UBOX5: variants seen among roughly 807,000 people sequenced by gnomAD.
The protein encoded by UBOX5 is U-box domain containing 5.
UBOX5 carries 28 observed loss-of-function variants against 39.0 expected under a neutral mutation model. That is an observed-to-expected ratio of 0.72 (90% CI 0.53 to 0.98). The LOEUF (loss-of-function observed/expected upper bound fraction) is 0.98, where lower values mean the gene tolerates loss of function less well. Ranked by LOEUF, UBOX5 falls within the 50% of genes least tolerant of loss-of-function variation. The pLI is 0.00. For missense variants in UBOX5, 585 were observed against 674.4 expected, an observed-to-expected ratio of 0.87 and a Z score of 1.47; for synonymous variants, 283 against 275.5, an observed-to-expected ratio of 1.03 and a Z score of -0.27.
At chr20:3,145,255 T>C (rs2066550393) in intron 1 of UBOX5, among the ~76,000 whole-genome samples, 1 of 151,610 alleles carries the variant, frequency 6.6e-6, no homozygotes, top group African/African-American at 2.4e-5. Context: ...TAAACTACGG[T>C]GATCCTCCCA....
intron 1 of UBOX5, among the ~76,000 whole-genome samples, chr20:3,151,350 G>A (rs1410802671): frequency 6.6e-6 from 1 of 152,174 alleles, no homozygotes; most frequent in Non-Finnish European, 1.5e-5. Context: ...ATTATATATT[G>A]TCTATGTCTG....
chr20:3,146,994 G>C (rs1180936488), intron 1 of UBOX5: 31 of 1,614,010 alleles, frequency 1.9e-5, no homozygotes, highest in Non-Finnish European at 2.5e-5. Context: ...TTCATTCTTG[G>C]GGTCTGCATG....
At chr20:3,145,009 TCA>T (rs1292111884) in intron 1 of UBOX5, among the ~76,000 whole-genome samples, 2 of 152,068 alleles carry the variant, frequency 1.3e-5, no homozygotes, top group African/African-American at 2.4e-5. Flanking sequence ...AATATTAAGT[TCA>T]CCAATTCTGA....
chr20:3,144,943 G>C (rs1016429746), intron 1 of UBOX5, among the ~76,000 whole-genome samples: 9 of 152,134 alleles, frequency 5.9e-5, no homozygotes, highest in African/African-American at 1.9e-4. Context: ...AAAATATGAG[G>C]GTAGGGGGAG....
chr20:3,156,990 G>A (rs2066692415), intron 1 of UBOX5, among the ~76,000 whole-genome samples: 1 of 152,166 alleles, frequency 6.6e-6, no homozygotes, highest in Admixed American at 6.5e-5. Context: ...TGGCTAGACA[G>A]GTGGCTCATG....
rs1234498434 is a variant in UBOX5 at position 3,121,912 on chromosome 20, G to T, written c.727C>A (p.Gln243Lys). 1.2e-6 allele frequency: 2 copies of T among 1,613,906 alleles called. No individual in the cohort carries two copies. The highest frequency in any genetic ancestry group is 2.2e-5 in the East Asian group (1 of 44,870). The change falls in exon 3 of 5, where the codon CAG becomes AAG. Residue 243 changes from glutamine to lysine, a missense_variant. Physicochemically the swap from Gln to Lys is moderately conservative, Grantham distance 53 (BLOSUM62 1). Coordinates refer to ENST00000217173, the MANE Select transcript of UBOX5 (RefSeq NM_014948.4). ...TTCTGCAGGCTGGAGGGAGCCTGCT[G>T]GCTCTCAGGCTGGTCCCCAGGGTCA... The part of the protein sequence containing the change: ...DCDPGDQPES[Q>K]QAPSSLQKLA...
At position 3,122,567 on chromosome 20, in the gene UBOX5, G is replaced by A. The variant is rs780848822; in HGVS notation, c.72C>T (p.Tyr24=). The part of the protein sequence containing the change: ...IHCNKISADG[Y]EVENLISEDL... ...CTTCAGAGATGAGATTTTCTACTTC[G>A]TAACCATCAGCTGATATCTAGATTT... The change falls in exon 3 of 5, where the codon TAC becomes TAT. Residue 24 remains tyrosine (Y), a synonymous_variant. Transcript: ENST00000217173. The A allele has an allele frequency of 7.5e-6, 12 of 1,589,638 alleles. No homozygotes were observed. Among genetic ancestry groups the A allele is most frequent in the Admixed American group, 5.3e-5 (3 of 57,100 alleles).
At chr20:3,143,312 G>A (rs1223521716) in intron 1 of UBOX5, among the ~76,000 whole-genome samples, 1 of 151,716 alleles carries the variant, frequency 6.6e-6, no homozygotes, top group Admixed American at 6.6e-5. Flanking sequence ...ATGTTGGCAA[G>A]GCTGGTCTCA....
intron 1 of UBOX5, among the ~76,000 whole-genome samples, chr20:3,143,098 T>C (rs2066532015): frequency 5.6e-5 from 1 of 18,006 alleles, no homozygotes; most frequent in African/African-American, 1.8e-4. Context: ...ATCATCTGTC[T>C]TTTTTTTTTT....
At chr20:3,129,409 G>A (rs73572001) in intron 1 of UBOX5, among the ~76,000 whole-genome samples, 5,795 of 152,214 alleles carry the variant, frequency 0.038, 336 homozygotes, top group African/African-American at 0.13. Context: ...GACTTGTGAC[G>A]ATTCATAGGA....
At position 3,154,634 on chromosome 20, in the gene UBOX5, G is replaced by A. The variant is rs535788611; in HGVS notation, c.-42+5132C>T. Among the ~76,000 whole-genome samples, 7 of 152,198 alleles carry A rather than the reference G, an allele frequency of 4.6e-5. No homozygotes were observed. The East Asian group carries it at 1.4e-3, about 29-fold the overall frequency. ...AAAAGTTAAGGCTGCAGTGAGCTGT[G>A]ATCCTGCTATGGCAGGGTGACAGAG... is the stretch of plus-strand genomic sequence containing the variant. On this transcript the variant is annotated intron_variant, in intron 1 of 4. Transcript: ENST00000217173.
At chr20:3,124,228 C>T (rs931757552) in intron 1 of UBOX5, among the ~76,000 whole-genome samples, 1 of 152,142 alleles carries the variant, frequency 6.6e-6, no homozygotes, top group Non-Finnish European at 1.5e-5. Context: ...TCTCCCCTCT[C>T]CCCTCTCCCC....
chr20:3,130,756 T>C (rs143653567), intron 1 of UBOX5, among the ~76,000 whole-genome samples: 252 of 152,162 alleles, frequency 1.7e-3, no homozygotes, highest in African/African-American at 5.9e-3. Flanking sequence ...TCTTATTGAT[T>C]TTAACACATT....
chr20:3,110,999 C>CA (rs999141117), intron 4 of UBOX5, among the ~76,000 whole-genome samples: 42 of 152,322 alleles, frequency 2.8e-4, no homozygotes, highest in Non-Finnish European at 5.4e-4. Flanking sequence ...GCAGCCCCCT[C>CA]ACTGCTACTG....
At chr20:3,134,798 G>A (rs1373806724) in intron 1 of UBOX5, among the ~76,000 whole-genome samples, 1 of 151,964 alleles carries the variant, frequency 6.6e-6, no homozygotes, top group Non-Finnish European at 1.5e-5. Context: ...CCGGGAGGTG[G>A]AGGTTGCACT....
At chr20:3,121,086 C>CCATCA (rs1568470343) in intron 3 of UBOX5, among the ~76,000 whole-genome samples, 2 of 152,174 alleles carry the variant, frequency 1.3e-5, no homozygotes, top group Non-Finnish European at 2.9e-5. Flanking sequence ...CATAAAGGGA[C>CCATCA]CCCAAGGAAG....
Position 3,115,382 on chromosome 20 carries a change from GC to G in UBOX5, c.1339del (p.Ala447HisfsTer3). 1 of 1,614,226 alleles carries G rather than the reference GC, an allele frequency of 6.2e-7. No homozygotes were observed. The highest frequency in any genetic ancestry group is 8.5e-7 in the Non-Finnish European group (1 of 1,180,034). ...STLGSMPSFT[A>X]RLTRGQLQHL... ...CTGGAGCTGTCCCCTGGTCAGCCGT[GC>G]CGTGAAGGAGGGCATAGAGCCAAGG... On this transcript the variant is annotated frameshift_variant, in exon 4 of 5. Transcript: ENST00000217173. LOFTEE classifies it high-confidence loss of function.
chr20:3,113,522 C>G (rs547057824), intron 4 of UBOX5, among the ~76,000 whole-genome samples: 2 of 151,836 alleles, frequency 1.3e-5, no homozygotes, highest in Non-Finnish European at 2.9e-5. Context: ...CACAGTAAGG[C>G]GAGGATGGGG....
At chr20:3,118,924 G>A (rs1015042239) in intron 3 of UBOX5, among the ~76,000 whole-genome samples, 1 of 152,152 alleles carries the variant, frequency 6.6e-6, no homozygotes, top group South Asian at 2.1e-4. Flanking sequence ...GAGTGACACA[G>A]TGAGACTCCA....
Sources: allele counts gnomAD v4.1 joint callset (sites outside exome capture counted in the v4.1 genomes callset), GRCh38; gene constraint gnomAD v4.1.1; transcripts MANE v1.5; gene names NCBI Gene and HGNC (gene_info 2026-07-23, HGNC 2026-07-21).